GALNT5: variants seen among roughly 807,000 people sequenced by gnomAD.
GALNT5 encodes UDP-GalNAc:polypeptide N-acetylgalactosaminyltransferase 5.
Under a neutral mutation model 85.4 loss-of-function variants are expected in GALNT5, and 72 were observed. The ratio of observed to expected loss-of-function variants is 0.84; its 90% confidence interval spans 0.70 to 1.03. The LOEUF is 1.03. GALNT5 is among the 50% of genes least tolerant of loss of function. GALNT5 has a pLI of 0.00. For synonymous variants in GALNT5, 404 were observed against 397.0 expected (o/e 1.02, Z -0.21); for missense variants, 1,137 against 1,135.5 (o/e 1.00, Z -0.02).
Position 157,284,444 on chromosome 2 carries a change from C to A in GALNT5, c.1617C>A (p.Thr539=). The part of the protein sequence containing the change: ...KEILLVDDFS[T]KDYLKDNLDK... The stretch of plus-strand genomic sequence containing the variant: ...TTCTGCTGGTAGATGACTTCAGCAC[C>A]AAAGGTAAGAAAACCACTCAGGCTA... The change falls in exon 2 of 10, where the codon ACC becomes ACA. Residue 539 remains threonine, a synonymous_variant. Coordinates refer to ENST00000259056, the MANE Select transcript of GALNT5 (RefSeq NM_014568.3). 1.2e-6 allele frequency: 2 copies of A among 1,612,922 alleles called. No homozygotes were observed. Among genetic ancestry groups the A allele is most frequent in the Non-Finnish European group, 1.7e-6 (2 of 1,179,184 alleles).
intron 7 of GALNT5, among the ~76,000 whole-genome samples, chr2:157,304,000 C>T (rs192513801): frequency 2.0e-5 from 3 of 152,280 alleles, no homozygotes; most frequent in Non-Finnish European, 2.9e-5. Flanking sequence ...ACCACCTGTT[C>T]GGCTCTGTGG....
Position 157,286,119 on chromosome 2 carries a change from G to A in GALNT5, c.1726G>A (p.Ala576Thr). Residue 576 changes from alanine to threonine, a missense_variant, in exon 3 of 10, where the codon GCA (alanine) becomes ACA (threonine). Ala to Thr is a moderately conservative substitution (Grantham distance 58, BLOSUM62 0). Coordinates refer to ENST00000259056, the MANE Select transcript of GALNT5 (RefSeq NM_014568.3). ...CTTAATAAGGGCCAGGCTGGCAGGA[G>A]CACAGAATGCAACAGGTAAGAAGTT... is the stretch of plus-strand genomic sequence containing the variant. Reference protein sequence around the residue: ...HGLIRARLAGAQNATGDVLTF... With the variant: ...HGLIRARLAGTQNATGDVLTF... 6.2e-7 allele frequency: 1 copy of A among 1,613,276 alleles called. No individual in the cohort carries two copies. The highest frequency in any genetic ancestry group is 8.5e-7 in the Non-Finnish European group (1 of 1,179,306).
At chr2:157,264,093 T>C (rs893457035) in intron 1 of GALNT5, among the ~76,000 whole-genome samples, 2 of 152,166 alleles carry the variant, frequency 1.3e-5, no homozygotes, top group African/African-American at 4.8e-5. Context: ...ATATTTAATC[T>C]TTTTTTAATT....
rs929780437 is a variant in GALNT5, at chr2:157,259,427, CA to C, written c.1346del (p.His449LeufsTer23). 1 of 1,475,108 alleles carries C rather than the reference CA, an allele frequency of 6.8e-7. No individual in the cohort carries two copies. Among genetic ancestry groups the C allele is most frequent in the Admixed American group, 2.3e-5 (1 of 43,452 alleles). 91.4% of individuals were successfully genotyped at this position (1,475,108 alleles called of 1,614,324 possible). ...GQFGRPVVVP[H>X]GKEKEAERRW... Reference sequence around the variant, plus strand: ...GTTTGGGCGTCCTGTAGTTGTCCCCCATGGAAAGGAGAAGGAGGCAGAAAGA... The same window carrying C: ...GTTTGGGCGTCCTGTAGTTGTCCCCCTGGAAAGGAGAAGGAGGCAGAAAGA... On this transcript the variant is annotated frameshift_variant, in exon 1 of 10. Transcript: ENST00000259056. LOFTEE classifies it high-confidence loss of function.
chr2:157,299,908 G>A (rs1683302687), intron 6 of GALNT5, among the ~76,000 whole-genome samples: 1 of 152,084 alleles, frequency 6.6e-6, no homozygotes, highest in Non-Finnish European at 1.5e-5. Flanking sequence ...AAATATGGGG[G>A]AAATGACTTT....
intron 3 of GALNT5, among the ~76,000 whole-genome samples, chr2:157,288,253 T>C (rs538893354): frequency 3.3e-5 from 5 of 152,342 alleles, no homozygotes; most frequent in Admixed American, 2.0e-4. Context: ...CTTCTCTTTG[T>C]AGAGGAAATT....
chr2:157,284,206 G>A (rs1682918657), intron 1 of GALNT5, 76 bp from the exon 2 acceptor site: 12 of 1,185,426 alleles, frequency 1.0e-5, no homozygotes, highest in East Asian at 7.0e-5. Context: ...GCACACCATC[G>A]CACTCTGTGA....
chr2:157,305,916 C>A, intron 8 of GALNT5, 87 bp downstream of exon 8: 4 of 741,114 alleles, frequency 5.4e-6, no homozygotes, highest in South Asian at 1.7e-5. Flanking sequence ...TCATCTTTGC[C>A]CAACAGAAAA....
intron 1 of GALNT5, among the ~76,000 whole-genome samples, chr2:157,278,459 A>G (rs780318585): frequency 5.9e-5 from 9 of 152,104 alleles, no homozygotes; most frequent in Non-Finnish European, 1.2e-4. Context: ...CTAATCAAAC[A>G]TAGATTTGGT....
chr2:157,289,674 T>C lies in GALNT5; in HGVS notation c.1741+3540T>C, dbSNP rs149636577. On this transcript the variant is annotated intron_variant, in intron 3 of 9. Coordinates refer to ENST00000259056, the MANE Select transcript of GALNT5 (RefSeq NM_014568.3). ...TATCTGAAAAGGAATTTTTTTCCCCTAATTTCCAATTTTTTATTGACCTAC... is the reference window on the plus strand; with the variant it reads ...TATCTGAAAAGGAATTTTTTTCCCCCAATTTCCAATTTTTTATTGACCTAC... Among the ~76,000 whole-genome samples the C allele has an allele frequency of 1.1e-3, 164 of 152,296 alleles. 1 individual carries two copies. The East Asian group carries it at 0.029, about 27-fold the overall frequency.
At chr2:157,259,797 T>C (rs1682299358) in intron 1 of GALNT5, among the ~76,000 whole-genome samples, 1 of 152,230 alleles carries the variant, frequency 6.6e-6, no homozygotes, top group Non-Finnish European at 1.5e-5. Context: ...TGAAAACCTA[T>C]TAAAATGATT....
intron 3 of GALNT5, among the ~76,000 whole-genome samples, chr2:157,293,462 AG>A (rs1045928090): frequency 1.3e-5 from 2 of 152,210 alleles, no homozygotes; most frequent in Non-Finnish European, 2.9e-5. Context: ...CTGTCATCTT[AG>A]GGTTAGGTTT....
rs1047718825 is a variant in GALNT5 at position 157,295,814 on chromosome 2, T to C, written c.1877+16T>C. On this transcript the variant is annotated intron_variant, in intron 4 of 9. Coordinates refer to ENST00000259056, the MANE Select transcript of GALNT5 (RefSeq NM_014568.3). The stretch of plus-strand genomic sequence containing the variant: ...AGGATATGAGGTAATATTTACACAT[T>C]CCACAAGATACTTTCAAGCACATCT... 3.8e-6 allele frequency: 6 copies of C among 1,575,462 alleles called. No homozygotes were observed. Among genetic ancestry groups the C allele is most frequent in the African/African-American group, 1.4e-5 (1 of 73,944 alleles).
chr2:157,258,446 A>C lies in GALNT5; in HGVS notation c.364A>C (p.Lys122Gln). ...RKMQNALGRGKVVPLWHPAHL... is the reference protein window; with the variant it reads ...RKMQNALGRGQVVPLWHPAHL... ...AATGCAGAATGCCCTGGGAAGGGGC[A>C]AGGTTGTGCCGTTGTGGCATCCTGC... is the stretch of plus-strand genomic sequence containing the variant. Residue 122 changes from lysine (K) to glutamine (Q), a missense_variant, in exon 1 of 10, where the codon AAG becomes CAG. Transcript: ENST00000259056. 8 of 1,607,758 alleles carry C rather than the reference A, an allele frequency of 5.0e-6. No individual in the cohort carries two copies. The highest frequency in any genetic ancestry group is 6.8e-6 in the Non-Finnish European group (8 of 1,177,790).
Position 157,315,445 on chromosome 2 carries a change from G to T in GALNT5, c.*4097G>T, listed in dbSNP as rs1683678974. On this transcript the variant is annotated 3_prime_UTR_variant, in exon 10 of 10. Transcript: ENST00000259056. ...TAATTAATTTTCTTCTTTACAAAGG[G>T]CTGTCATCTCAGGTGGGTGCATTTA... Among the ~76,000 whole-genome samples, 1 of 152,108 alleles carries T rather than the reference G, an allele frequency of 6.6e-6. No individual in the cohort carries two copies. Among genetic ancestry groups the T allele is most frequent in the Admixed American group, 6.5e-5 (1 of 15,268 alleles).
intron 5 of GALNT5, chr2:157,299,282 C>T: frequency 3.4e-6 from 1 of 294,022 alleles, no homozygotes; most frequent in Non-Finnish European, 6.4e-6. Context: ...TTAAAAATAA[C>T]ATTCCTGGAC....
chr2:157,289,001 T>C (rs954834046), intron 3 of GALNT5, among the ~76,000 whole-genome samples: 3 of 152,170 alleles, frequency 2.0e-5, no homozygotes, highest in Non-Finnish European at 4.4e-5. Context: ...GGCTCAAAAC[T>C]GGAGGAGCAG....
In GALNT5 at chr2:157,299,544, G is replaced by A. The variant is rs1355198598; in HGVS notation, c.1998-4G>A. 1 of 1,564,646 alleles carries A rather than the reference G, an allele frequency of 6.4e-7. No individual in the cohort carries two copies. The highest frequency in any genetic ancestry group is 8.8e-7 in the Non-Finnish European group (1 of 1,141,144). On this transcript the variant is annotated splice_polypyrimidine_tract_variant and splice_region_variant and intron_variant, in intron 5 of 9. Coordinates refer to ENST00000259056, the MANE Select transcript of GALNT5 (RefSeq NM_014568.3). ...GTTTAAAAAACAAACTTTTCTTTTT[G>A]TAGGTGCCCTGTCATGGCTGGTGGA...
At position 157,284,368 on chromosome 2, in the gene GALNT5, G is replaced by GATCT. The variant is rs761396886; in HGVS notation, c.1542_1545dup (p.Val516IlefsTer22). 6.2e-7 allele frequency: 1 copy of GATCT among 1,613,898 alleles called. No homozygotes were observed. Among genetic ancestry groups the GATCT allele is most frequent in the South Asian group, 1.1e-5 (1 of 91,082 alleles). On this transcript the variant is annotated frameshift_variant, in exon 2 of 10. Transcript: ENST00000259056. LOFTEE classifies it high-confidence loss of function. Reference sequence around the variant, plus strand: ...GATGAAGTGTGGTCCACTCTCCTGAGATCTGTTCACAGTGTCATCAATCGC... The same window carrying GATCT: ...GATGAAGTGTGGTCCACTCTCCTGAGATCTATCTGTTCACAGTGTCATCAATCGC...
Sources: allele counts gnomAD v4.1 joint callset (sites outside exome capture counted in the v4.1 genomes callset), GRCh38; gene constraint gnomAD v4.1.1; transcripts MANE v1.5; gene names NCBI Gene and HGNC (gene_info 2026-07-23, HGNC 2026-07-21).